The following SEC22A variants were observed in gnomAD, a reference collection of about 807,000 sequenced individuals.
SEC22A encodes vesicle-trafficking protein SEC22a.
In SEC22A, 22 loss-of-function variants were observed where a neutral mutation model predicts 35.3. The ratio of observed to expected loss-of-function variants is 0.62; its 90% confidence interval spans 0.45 to 0.89. SEC22A has a LOEUF of 0.89. Among genes scored for constraint, SEC22A ranks in the 40% least tolerant of loss-of-function variants. The probability of loss-of-function intolerance (pLI) is 0.00; values close to 1 mark genes in which losing one functional copy is unlikely to be tolerated. For missense variants in SEC22A, 354 were observed against 362.5 expected, an observed-to-expected ratio of 0.98 and a Z score of 0.19; for synonymous variants, 119 against 129.5, an observed-to-expected ratio of 0.92 and a Z score of 0.55.
rs561483740 is a variant in SEC22A, at chr3:123,255,028, G to A, written c.658-4496G>A. On this transcript the variant is annotated intron_variant, in intron 5 of 6. Coordinates refer to ENST00000492595, the MANE Select transcript of SEC22A (RefSeq NM_012430.5). The stretch of plus-strand genomic sequence containing the variant: ...AATTCTCTCAGATATCCACCATTAA[G>A]CTCACCAGTATCCTTTCAATTGCCA... 4.5e-4 allele frequency among the ~76,000 whole-genome samples: 69 copies of A among 152,022 alleles called. 1 individual carries two copies. In the South Asian group the frequency reaches 0.014, roughly 31 times the overall value.
At chr3:123,216,576 G>T (rs6799645) in intron 2 of SEC22A, among the ~76,000 whole-genome samples, 29,858 of 152,104 alleles carry the variant, frequency 0.2, 3,037 homozygotes, top group Middle Eastern at 0.28. Flanking sequence ...TATTCATGAT[G>T]TGGCGCTTCA....
intron 1 of SEC22A, among the ~76,000 whole-genome samples, chr3:123,205,438 C>T (rs1936834934): frequency 6.6e-6 from 1 of 152,150 alleles, no homozygotes; most frequent in Non-Finnish European, 1.5e-5. Context: ...CCTGTAATCC[C>T]AGCACTTTGT....
At chr3:123,224,523 G>C (rs929941777) in intron 3 of SEC22A, among the ~76,000 whole-genome samples, 1 of 152,098 alleles carries the variant, frequency 6.6e-6, no homozygotes, top group Admixed American at 6.5e-5. Context: ...GCCAGGTGTG[G>C]TGTGGCTCAT....
chr3:123,251,330 C>T (rs1937611031), intron 5 of SEC22A, among the ~76,000 whole-genome samples: 1 of 152,110 alleles, frequency 6.6e-6, no homozygotes, highest in Admixed American at 6.5e-5. Context: ...AATTTGGGAA[C>T]TCTGTGTGTA....
At chr3:123,225,318 ATTTTATTTT>A in intron 4 of SEC22A, 21 bp downstream of exon 4, 1 of 1,443,568 alleles carries the variant, frequency 6.9e-7, no homozygotes. Context: ...GATCTCAGTT[ATTTTATTTT>A]AAAAAAATCC....
intron 4 of SEC22A, among the ~76,000 whole-genome samples, chr3:123,236,482 G>C (rs1002394058): frequency 2.0e-5 from 3 of 152,204 alleles, no homozygotes; most frequent in African/African-American, 7.2e-5. Context: ...CCAGTGTTCA[G>C]AGCTACTTTT....
At chr3:123,252,405 T>TTATTCA (rs1937625213) in intron 5 of SEC22A, among the ~76,000 whole-genome samples, 1 of 152,132 alleles carries the variant, frequency 6.6e-6, no homozygotes, top group South Asian at 2.1e-4. Flanking sequence ...TACAGTGGTG[T>TTATTCA]TATTCATATC....
chr3:123,250,287 A>G (rs1285926576), intron 5 of SEC22A, among the ~76,000 whole-genome samples: 5 of 152,226 alleles, frequency 3.3e-5, no homozygotes, highest in Admixed American at 3.3e-4. Flanking sequence ...GCGCACGCCT[A>G]TAGTCCCAGC....
intron 5 of SEC22A, among the ~76,000 whole-genome samples, chr3:123,247,895 C>CG (rs565566689): frequency 1.3e-3 from 194 of 152,182 alleles, no homozygotes; most frequent in African/African-American, 4.1e-3. Flanking sequence ...CCCAGGTATG[C>CG]GGGGGCCAGT....
chr3:123,204,900 A>C (rs1936823468), intron 1 of SEC22A: 1 of 152,204 alleles, frequency 6.6e-6, no homozygotes, highest in Non-Finnish European at 1.5e-5. Context: ...CAATTGTTGT[A>C]ATCTCTTGCT....
intron 4 of SEC22A, among the ~76,000 whole-genome samples, chr3:123,228,571 C>A (rs1937255323): frequency 7.6e-6 from 1 of 131,634 alleles, no homozygotes; most frequent in Non-Finnish European, 1.6e-5. Context: ...GCGAAAACTC[C>A]ATCTCAAAAA....
At position 123,220,982 on chromosome 3, in the gene SEC22A, C is replaced by T. The variant is rs987393851; in HGVS notation, c.183-2577C>T. Among the ~76,000 whole-genome samples, 4 of 150,152 alleles carry T rather than the reference C, an allele frequency of 2.7e-5. No homozygotes were observed. In the East Asian group the frequency reaches 5.8e-4, roughly 22 times the overall value. On this transcript the variant is annotated intron_variant, in intron 2 of 6. Coordinates refer to ENST00000492595, the MANE Select transcript of SEC22A (RefSeq NM_012430.5). ...AGAAATTATTACTAACCTGAATTGC[C>T]CAAGGGAAGGAGAACTGGGTATCTG...
chr3:123,245,657 G>C (rs1937560307), intron 4 of SEC22A, among the ~76,000 whole-genome samples: 1 of 151,906 alleles, frequency 6.6e-6, no homozygotes, highest in African/African-American at 2.4e-5. Context: ...CTGTGATTGT[G>C]ACCCTGTCTC....
intron 4 of SEC22A, among the ~76,000 whole-genome samples, chr3:123,237,790 A>G (rs1307642537): frequency 2.6e-5 from 4 of 152,188 alleles, no homozygotes; most frequent in African/African-American, 7.2e-5. Context: ...TGTAGCTGGC[A>G]GTGGCATCCT....
chr3:123,270,673 T>C (rs1002518871), intron 6 of SEC22A, among the ~76,000 whole-genome samples: 1 of 152,132 alleles, frequency 6.6e-6, no homozygotes, highest in Admixed American at 6.6e-5. Flanking sequence ...ACAAACAAAA[T>C]AAGCACATTT....
Position 123,259,737 on chromosome 3 carries a change from A to G in SEC22A, c.723+148A>G, listed in dbSNP as rs375015122. 19 of 652,816 alleles carry G rather than the reference A, an allele frequency of 2.9e-5. No individual in the cohort carries two copies. The South Asian group carries it at 3.0e-4, about 10-fold the overall frequency. The allele number at this position is 652,816 out of a possible 1,614,324, so 40.4% of individuals were successfully genotyped here. On this transcript the variant is annotated intron_variant, in intron 6 of 6. Coordinates refer to ENST00000492595, the MANE Select transcript of SEC22A (RefSeq NM_012430.5). ...TGAGCCTCTTTTAACTTTGTGACCT[A>G]TGTCTCCATTTTGAGTAGACATACA...
At chr3:123,212,481 T>C (rs775662536) in intron 2 of SEC22A, among the ~76,000 whole-genome samples, 1 of 152,144 alleles carries the variant, frequency 6.6e-6, no homozygotes, top group Non-Finnish European at 1.5e-5. Flanking sequence ...TTTTAGGAGA[T>C]TGGCTTGAAT....
At chr3:123,216,939 G>T (rs1489178459) in intron 2 of SEC22A, among the ~76,000 whole-genome samples, 1 of 152,108 alleles carries the variant, frequency 6.6e-6, no homozygotes, top group Non-Finnish European at 1.5e-5. Context: ...TGATCCTCCT[G>T]CCTCAGCCTC....
intron 2 of SEC22A, among the ~76,000 whole-genome samples, chr3:123,217,387 T>A (rs993752639): frequency 2.0e-5 from 3 of 151,814 alleles, no homozygotes; most frequent in African/African-American, 4.8e-5. Context: ...TTTTTTATTT[T>A]TTTTTTTAGT....
Sources: gnomAD v4.1 joint callset for allele counts (sites outside exome capture counted in the v4.1 genomes callset) on GRCh38, gnomAD v4.1.1 for gene constraint, MANE v1.5 for transcripts, NCBI Gene and HGNC (gene_info 2026-07-23, HGNC 2026-07-21) for gene names.